The following KHDRBS2 variants were observed in gnomAD, a reference collection of about 807,000 sequenced individuals.
KHDRBS2 encodes the protein KH domain-containing, RNA-binding, signal transduction-associated protein 2.
In KHDRBS2, 26 loss-of-function variants were observed where a neutral mutation model predicts 44.3. That is an observed-to-expected ratio of 0.59 (90% CI 0.43 to 0.81). KHDRBS2 has a LOEUF of 0.81. Ranked by LOEUF, KHDRBS2 falls within the 40% of genes least tolerant of loss-of-function variation. KHDRBS2 has a pLI of 0.00. For missense variants in KHDRBS2, 476 were observed against 433.1 expected (o/e 1.10, Z -0.88); for synonymous variants, 194 against 151.1 (o/e 1.28, Z -2.08).
intron 1 of KHDRBS2, among the ~76,000 whole-genome samples, chr6:62,184,762 T>C (rs1218087371): frequency 1.3e-5 from 2 of 151,890 alleles, no homozygotes; most frequent in Admixed American, 1.3e-4. Flanking sequence ...ATAATTCTTT[T>C]TCTTTTCATC....
chr6:61,838,930 T>C (rs1473491417), intron 6 of KHDRBS2, among the ~76,000 whole-genome samples: 1 of 152,092 alleles, frequency 6.6e-6, no homozygotes, highest in Non-Finnish European at 1.5e-5. Flanking sequence ...GAGCTAAAAG[T>C]TGCTGAATAA....
chr6:61,715,552 T>G (rs1393397700), intron 7 of KHDRBS2, among the ~76,000 whole-genome samples: 1 of 151,984 alleles, frequency 6.6e-6, no homozygotes, highest in Non-Finnish European at 1.5e-5. Context: ...TCACTTAACA[T>G]TACAATCTCA....
chr6:61,977,539 C>A (rs1161730314), intron 4 of KHDRBS2, among the ~76,000 whole-genome samples: 1 of 152,058 alleles, frequency 6.6e-6, no homozygotes, highest in Non-Finnish European at 1.5e-5. Context: ...AGATGTCTGG[C>A]TTTACTAATA....
the KHDRBS2 span, among the ~76,000 whole-genome samples, chr6:61,636,874 C>T: frequency 6.6e-6 from 1 of 151,942 alleles, no homozygotes; most frequent in East Asian, 1.9e-4. Context: ...TTTATTTCTT[C>T]AAAAGGCCTA....
At chr6:61,721,535 G>T (rs1332717440) in intron 7 of KHDRBS2, among the ~76,000 whole-genome samples, 1 of 141,174 alleles carries the variant, frequency 7.1e-6, no homozygotes, top group East Asian at 2.2e-4. Context: ...TATTCTCTTT[G>T]AAGCAATTGT....
the KHDRBS2 span, among the ~76,000 whole-genome samples, chr6:61,585,583 A>G: frequency 1.3e-5 from 2 of 152,138 alleles, no homozygotes; most frequent in African/African-American, 2.4e-5. Flanking sequence ...ACAACACTTT[A>G]TAATAACTAA....
intron 2 of KHDRBS2, among the ~76,000 whole-genome samples, chr6:62,051,928 A>G (rs1331221353): frequency 6.6e-6 from 1 of 152,052 alleles, no homozygotes; most frequent in Non-Finnish European, 1.5e-5. Context: ...CCACTACGAG[A>G]TACCACCTCA....
chr6:61,628,498 A>C, the KHDRBS2 span, among the ~76,000 whole-genome samples: 2 of 152,024 alleles, frequency 1.3e-5, no homozygotes, highest in East Asian at 3.9e-4. Flanking sequence ...CTTCAACCTT[A>C]TCTTCTCTTC....
chr6:62,105,616 T>C (rs1288519731), intron 2 of KHDRBS2, among the ~76,000 whole-genome samples: 1 of 152,210 alleles, frequency 6.6e-6, no homozygotes, highest in African/African-American at 2.4e-5. Context: ...GTGGGATTGG[T>C]GGTGATATCC....
intron 1 of KHDRBS2, among the ~76,000 whole-genome samples, chr6:62,204,727 C>T (rs1827652518): frequency 1.3e-5 from 2 of 152,034 alleles, no homozygotes; most frequent in Non-Finnish European, 2.9e-5. Context: ...TTACTGTGGT[C>T]TTTTGGTACA....
chr6:61,701,979 C>T (rs16899011), intron 7 of KHDRBS2, among the ~76,000 whole-genome samples: 33 of 151,818 alleles, frequency 2.2e-4, no homozygotes, highest in Non-Finnish European at 4.4e-4. Flanking sequence ...TTCTAGAGGT[C>T]CTGGATTTTG....
chr6:61,836,078 T>C (rs1191114690), intron 6 of KHDRBS2, among the ~76,000 whole-genome samples: 5 of 152,048 alleles, frequency 3.3e-5, no homozygotes, highest in African/African-American at 1.2e-4. Context: ...CAAAGTCATC[T>C]GACTTAGGAG....
the KHDRBS2 span, among the ~76,000 whole-genome samples, chr6:61,621,498 C>G: frequency 6.6e-6 from 1 of 152,140 alleles, no homozygotes; most frequent in Non-Finnish European, 1.5e-5. Context: ...CTAAAGGTCC[C>G]ACAGTTAATA....
At chr6:62,068,584 C>T (rs1322050249) in intron 2 of KHDRBS2, among the ~76,000 whole-genome samples, 1 of 151,352 alleles carries the variant, frequency 6.6e-6, no homozygotes, top group African/African-American at 2.4e-5. Flanking sequence ...ACTGCCTAAC[C>T]TAGATTTACT....
At chr6:61,628,661 G>C in the KHDRBS2 span, among the ~76,000 whole-genome samples, 2 of 152,226 alleles carry the variant, frequency 1.3e-5, no homozygotes, top group Admixed American at 6.5e-5. Flanking sequence ...TCTCTGCTGT[G>C]TGTCTTTTTA....
At chr6:62,066,960 T>C (rs570331811) in intron 2 of KHDRBS2, among the ~76,000 whole-genome samples, 30 of 151,722 alleles carry the variant, frequency 2.0e-4, no homozygotes, top group Non-Finnish European at 3.4e-4. Context: ...GCCTTTAGTT[T>C]CTTAAGGTTA....
chr6:62,040,695 A>G (rs1786289881), intron 3 of KHDRBS2, among the ~76,000 whole-genome samples: 2 of 152,132 alleles, frequency 1.3e-5, no homozygotes, highest in African/African-American at 4.8e-5. Flanking sequence ...GGCTTTCTTC[A>G]CAGTAAGCAG....
intron 6 of KHDRBS2, among the ~76,000 whole-genome samples, chr6:61,840,719 G>A (rs1793475844): frequency 6.6e-6 from 1 of 152,062 alleles, no homozygotes; most frequent in Admixed American, 6.6e-5. Context: ...TGCATTCTAC[G>A]GTGAATCCTC....
At chr6:61,603,027 C>A in the KHDRBS2 span, among the ~76,000 whole-genome samples, 3 of 152,092 alleles carry the variant, frequency 2.0e-5, no homozygotes, top group African/African-American at 7.2e-5. Flanking sequence ...TCCTCCTTGG[C>A]AACAGATGAT....
Sources: gnomAD v4.1 joint callset for allele counts (sites outside exome capture counted in the v4.1 genomes callset) on GRCh38, gnomAD v4.1.1 for gene constraint, MANE v1.5 for transcripts, NCBI Gene and HGNC (gene_info 2026-07-23, HGNC 2026-07-21) for gene names.